CDKL1: variants seen among roughly 807,000 people sequenced by gnomAD.
CDKL1 encodes the protein cyclin-dependent kinase-like 1.
In CDKL1, 41 loss-of-function variants were observed where a neutral mutation model predicts 42.0. The observed-to-expected ratio is 0.98, with a 90% CI of 0.76 to 1.27. CDKL1 has a LOEUF of 1.27. Ranked by LOEUF, CDKL1 falls within the 50% of genes most tolerant of loss-of-function variation. The probability of loss-of-function intolerance (pLI) is 0.00; values close to 1 mark genes in which losing one functional copy is unlikely to be tolerated. For missense variants in CDKL1, 394 were observed against 428.4 expected (o/e 0.92, Z 0.71); for synonymous variants, 153 against 158.6 (o/e 0.96, Z 0.26).
At chr14:50,344,959 C>G in intron 4 of CDKL1, 27 bp downstream of exon 4, 1 of 1,594,318 alleles carries the variant, frequency 6.3e-7, no homozygotes, top group Non-Finnish European at 8.6e-7. Context: ...AGCCTTGTTG[C>G]TTTTCAAAAG....
chr14:50,389,084 G>A (rs963208990), intron 2 of CDKL1, among the ~76,000 whole-genome samples: 2 of 127,288 alleles, frequency 1.6e-5, no homozygotes, highest in Admixed American at 1.7e-4. Flanking sequence ...GGGCAGCAGA[G>A]TGAGACTGTC....
At chr14:50,369,068 T>C (rs2034513742) in intron 2 of CDKL1, among the ~76,000 whole-genome samples, 1 of 152,042 alleles carries the variant, frequency 6.6e-6, no homozygotes, top group African/African-American at 2.4e-5. Context: ...GGTTTCACCA[T>C]GTTGGCCAGG....
chr14:50,336,169 C>A (rs774666641), intron 7 of CDKL1: 88 of 1,362,866 alleles, frequency 6.5e-5, no homozygotes, highest in Non-Finnish European at 8.2e-5. Context: ...CGTTTCACAG[C>A]CCCAGAAGCA....
intron 2 of CDKL1, among the ~76,000 whole-genome samples, chr14:50,372,269 C>G (rs1377186080): frequency 2.0e-5 from 3 of 152,086 alleles, no homozygotes; most frequent in African/African-American, 4.8e-5. Flanking sequence ...AGGCGTGCAC[C>G]ACCACACCTG....
chr14:50,343,047 A>G (rs764867592), intron 4 of CDKL1: 17 of 1,342,048 alleles, frequency 1.3e-5, no homozygotes, highest in East Asian at 4.8e-5. Context: ...CAACATTCTT[A>G]AACAGGGTGA....
At chr14:50,381,481 A>ACATGTATG (rs2034906095) in intron 2 of CDKL1, among the ~76,000 whole-genome samples, 2 of 152,168 alleles carry the variant, frequency 1.3e-5, no homozygotes, top group Non-Finnish European at 2.9e-5. Context: ...ATGAGGAACA[A>ACATGTATG]AGCCTCACAC....
Position 50,369,635 on chromosome 14 carries a change from C to T in CDKL1, c.169-10486G>A, listed in dbSNP as rs12887409. Among the ~76,000 whole-genome samples, 317 of 111,668 alleles carry T rather than the reference C, an allele frequency of 2.8e-3. 1 individual carries two copies. Among genetic ancestry groups the T allele is most frequent in the African/African-American group, 9.4e-3 (263 of 27,920 alleles). The allele number at this position is 111,668 out of a possible 152,430, so 73.3% of individuals were successfully genotyped here. ...ACACACACACACACACACACACACACATATATATATAGTTGCTCTATTGCC... is the reference window on the plus strand; with the variant it reads ...ACACACACACACACACACACACACATATATATATATAGTTGCTCTATTGCC... On this transcript the variant is annotated intron_variant, in intron 2 of 9. Transcript: ENST00000395834.
rs925890890 is a variant in CDKL1, at chr14:50,358,636, C to T, written c.290+392G>A. On this transcript the variant is annotated intron_variant, in intron 3 of 9. Coordinates refer to ENST00000395834, the MANE Select transcript of CDKL1 (RefSeq NM_004196.7). ...CAAACACTGGCTGTTTTTAACTAGT[C>T]TTTTTTTTTTTTTTTTTTTTTGAGA... 8.4e-3 allele frequency among the ~76,000 whole-genome samples: 566 copies of T among 67,512 alleles called. 4 individuals carry two copies. The highest frequency in any genetic ancestry group is 0.011 in the East Asian group (21 of 1,998). The allele number at this position is 67,512 out of a possible 152,430, so 44.3% of individuals were successfully genotyped here. A position where few individuals can be genotyped will look rare whatever the true frequency, so the allele number is the denominator to read the frequency against.
At chr14:50,388,668 G>A (rs2035159434) in intron 2 of CDKL1, among the ~76,000 whole-genome samples, 1 of 152,304 alleles carries the variant, frequency 6.6e-6, no homozygotes, top group Middle Eastern at 3.4e-3. Context: ...TGGCCCAAGA[G>A]CCCTCTGCCC....
At chr14:50,330,367 T>G (rs1190095959) in intron 9 of CDKL1, 186 bp from the exon 10 acceptor site, 3 of 620,438 alleles carry the variant, frequency 4.8e-6, no homozygotes, top group Admixed American at 4.0e-5. Context: ...TAAATGTTTA[T>G]ATTAAAAAGG....
chr14:50,340,992 T>G (rs372033580), intron 6 of CDKL1, 40 bp downstream of exon 6: 8 of 1,601,094 alleles, frequency 5.0e-6, no homozygotes, highest in Non-Finnish European at 5.9e-6. Flanking sequence ...CCTGGGGAAA[T>G]ATCCAGTTTT....
intron 9 of CDKL1, chr14:50,330,792 A>AT (rs1595238475): frequency 6.6e-6 from 1 of 152,350 alleles, no homozygotes; most frequent in African/African-American, 2.4e-5. Flanking sequence ...ACACACCTGT[A>AT]TTTTTTGTAT....
At position 50,371,131 on chromosome 14, in the gene CDKL1, A is replaced by C. The variant is rs2034579989; in HGVS notation, c.169-11982T>G. 2.0e-5 allele frequency among the ~76,000 whole-genome samples: 3 copies of C among 152,198 alleles called. No homozygotes were observed. The South Asian group carries it at 6.2e-4, about 32-fold the overall frequency. On this transcript the variant is annotated intron_variant, in intron 2 of 9. Coordinates refer to ENST00000395834, the MANE Select transcript of CDKL1 (RefSeq NM_004196.7). ...GTACTGTATTGTGTATATATACTAC[A>C]TTTTCTTTATATATTCATCCACTGA...
chr14:50,330,853 T>C (rs1187912147), intron 9 of CDKL1: 1 of 152,262 alleles, frequency 6.6e-6, no homozygotes, highest in Non-Finnish European at 1.5e-5. Flanking sequence ...TTAGTACTTT[T>C]ACTTTCTAGA....
At chr14:50,380,183 T>C (rs1439484990) in intron 2 of CDKL1, 1 of 532,518 alleles carries the variant, frequency 1.9e-6, no homozygotes, top group African/African-American at 1.9e-5. Context: ...GAAACTGCTC[T>C]TCCTCCCTGG....
At chr14:50,342,440 G>A (rs1299817873) in intron 4 of CDKL1, 7 of 1,317,680 alleles carry the variant, frequency 5.3e-6, no homozygotes, top group Admixed American at 6.6e-5. Context: ...GCCAAGAAGA[G>A]TGAAAGGAAA....
intron 2 of CDKL1, chr14:50,362,502 G>A (rs60524196): frequency 0.017 from 3,300 of 190,738 alleles, 125 homozygotes; most frequent in African/African-American, 0.074. Context: ...TGCACCAACT[G>A]GCACTCTGTA....
At chr14:50,382,466 T>G (rs928141412) in intron 2 of CDKL1, among the ~76,000 whole-genome samples, 6 of 152,172 alleles carry the variant, frequency 3.9e-5, no homozygotes, top group African/African-American at 1.4e-4. Context: ...AAAATTTTTT[T>G]TTTTCAAAAA....
At chr14:50,344,840 A>AT in intron 4 of CDKL1, 146 bp downstream of exon 4, 2 of 603,866 alleles carry the variant, frequency 3.3e-6, no homozygotes, top group Non-Finnish European at 5.7e-6. Context: ...CTAGGTTGGC[A>AT]TTTTTAGCCT....
Sources: allele counts gnomAD v4.1 joint callset (sites outside exome capture counted in the v4.1 genomes callset), GRCh38; gene constraint gnomAD v4.1.1; transcripts MANE v1.5; gene names NCBI Gene and HGNC (gene_info 2026-07-23, HGNC 2026-07-21).